Variants in PTN observed in about 807,000 individuals in gnomAD.
PTN encodes the protein heparin affin regulatory protein.
A neutral mutation model predicts 24.1 loss-of-function variants in PTN; 18 were observed. The ratio of observed to expected loss-of-function variants is 0.75; its 90% confidence interval spans 0.52 to 1.11. PTN has a LOEUF of 1.11. Ranked by LOEUF, PTN falls within the 50% of genes least tolerant of loss-of-function variation. PTN has a pLI of 0.00. For synonymous variants in PTN, 78 were observed against 68.6 expected (o/e 1.14, Z -0.67); for missense variants, 163 against 198.8 (o/e 0.82, Z 1.08).
At chr7:137,249,042 G>T (rs1263485350) in intron 4 of PTN, among the ~76,000 whole-genome samples, 1 of 151,962 alleles carries the variant, frequency 6.6e-6, no homozygotes, top group African/African-American at 2.4e-5. Flanking sequence ...ACTGTATAAA[G>T]GTGAAATATA....
chr7:137,337,431 C>T (rs1255986614), intron 1 of PTN, among the ~76,000 whole-genome samples: 1 of 152,092 alleles, frequency 6.6e-6, no homozygotes, highest in Admixed American at 6.6e-5. Context: ...AAAAATCCCA[C>T]TCAATCTACC....
At position 137,235,718 on chromosome 7, in the gene PTN, T is replaced by C. The variant is rs1174320262; in HGVS notation, c.452-7643A>G. 3.3e-5 allele frequency among the ~76,000 whole-genome samples: 5 copies of C among 152,252 alleles called. No individual in the cohort carries two copies. The East Asian group carries it at 9.7e-4, about 29-fold the overall frequency. ...CTGCCCCTCAGTGCTACCCACATGC[T>C]GATACTTTGCTTCATCCACACCTCT... On this transcript the variant is annotated intron_variant, in intron 4 of 4. Coordinates refer to ENST00000348225, the MANE Select transcript of PTN (RefSeq NM_002825.7).
chr7:137,308,464 A>C (rs763873296), intron 1 of PTN, among the ~76,000 whole-genome samples: 41 of 152,170 alleles, frequency 2.7e-4, no homozygotes, highest in Non-Finnish European at 4.1e-4. Flanking sequence ...AATTTGGATG[A>C]CTAAAACCTT....
intron 1 of PTN, among the ~76,000 whole-genome samples, chr7:137,313,964 T>A (rs1026964901): frequency 6.6e-6 from 1 of 152,164 alleles, no homozygotes; most frequent in Non-Finnish European, 1.5e-5. Flanking sequence ...AGGTGCTGGT[T>A]TCTGAGAAGG....
chr7:137,331,524 A>T (rs1203568852), intron 1 of PTN, among the ~76,000 whole-genome samples: 5 of 152,148 alleles, frequency 3.3e-5, no homozygotes, highest in African/African-American at 1.2e-4. Flanking sequence ...GATCTGACTC[A>T]CTTTAAACTC....
intron 4 of PTN, among the ~76,000 whole-genome samples, chr7:137,229,533 T>G (rs1808393176): frequency 6.6e-6 from 1 of 151,786 alleles, no homozygotes; most frequent in Admixed American, 6.6e-5. Context: ...GGTTCCAAAG[T>G]CCATTACACA....
chr7:137,338,617 T>A (rs967914657), intron 1 of PTN, among the ~76,000 whole-genome samples: 1 of 152,218 alleles, frequency 6.6e-6, no homozygotes, highest in Non-Finnish European at 1.5e-5. Flanking sequence ...GTAATTAGTG[T>A]TTTAATGTTC....
intron 1 of PTN, among the ~76,000 whole-genome samples, chr7:137,270,678 G>A (rs1335548819): frequency 6.6e-6 from 1 of 152,146 alleles, no homozygotes; most frequent in Non-Finnish European, 1.5e-5. Context: ...GAACAACACA[G>A]ACAAGATTCC....
intron 4 of PTN, among the ~76,000 whole-genome samples, chr7:137,249,354 C>T (rs1808782067): frequency 6.6e-6 from 1 of 151,494 alleles, no homozygotes; most frequent in Non-Finnish European, 1.5e-5. Flanking sequence ...GGATTCCATA[C>T]TAGAGCAGTA....
At chr7:137,244,585 G>T (rs568701063) in intron 4 of PTN, among the ~76,000 whole-genome samples, 1 of 150,140 alleles carries the variant, frequency 6.7e-6, no homozygotes, top group Admixed American at 6.7e-5. Context: ...CTGTGTCCAA[G>T]TGTTCTCATT....
chr7:137,228,945 T>G (rs1808381891), intron 4 of PTN, among the ~76,000 whole-genome samples: 1 of 151,874 alleles, frequency 6.6e-6, no homozygotes, highest in Non-Finnish European at 1.5e-5. Context: ...AGAAATATAC[T>G]GGTTAAGTAC....
chr7:137,324,324 G>A (rs1228850421), intron 1 of PTN, among the ~76,000 whole-genome samples: 1 of 149,364 alleles, frequency 6.7e-6, no homozygotes, highest in Admixed American at 6.7e-5. Flanking sequence ...AAGCCCAGGA[G>A]TGAATTCCTG....
chr7:137,319,428 T>C (rs1366300615), intron 1 of PTN, among the ~76,000 whole-genome samples: 1 of 151,952 alleles, frequency 6.6e-6, no homozygotes, highest in Non-Finnish European at 1.5e-5. Context: ...AACCCGAGAG[T>C]TCTTTGGGGA....
At chr7:137,338,352 C>G (rs1810481505) in intron 1 of PTN, among the ~76,000 whole-genome samples, 1 of 152,174 alleles carries the variant, frequency 6.6e-6, no homozygotes, top group Admixed American at 6.5e-5. Context: ...TAAGTTGTCA[C>G]TTCCAATAAT....
At chr7:137,322,303 A>T (rs1810176278) in intron 1 of PTN, among the ~76,000 whole-genome samples, 2 of 152,208 alleles carry the variant, frequency 1.3e-5, no homozygotes, top group African/African-American at 4.8e-5. Flanking sequence ...GGATGTTTTC[A>T]ACTGGTGACA....
chr7:137,324,950 A>G (rs1810233777), intron 1 of PTN, among the ~76,000 whole-genome samples: 1 of 152,226 alleles, frequency 6.6e-6, no homozygotes, highest in Non-Finnish European at 1.5e-5. Flanking sequence ...AGTATGAAAC[A>G]GAGTATGAAA....
At chr7:137,330,763 AAGAGGACCAGGTTTGCTCCAC>A (rs1333151190) in intron 1 of PTN, among the ~76,000 whole-genome samples, 6 of 152,180 alleles carry the variant, frequency 3.9e-5, no homozygotes, top group South Asian at 2.1e-4. Flanking sequence ...GAAAAACAAG[AAGAGGACCAGGTTTGCTCCAC>A]AGAGCTGGAG....
chr7:137,236,268 T>C (rs1779703749), intron 4 of PTN: 4 of 702,198 alleles, frequency 5.7e-6, no homozygotes, highest in Non-Finnish European at 1.0e-5. Context: ...GAGATATCTA[T>C]AGCTTCTCCA....
At chr7:137,256,741 C>G (rs572567268) in intron 1 of PTN, among the ~76,000 whole-genome samples, 1 of 152,210 alleles carries the variant, frequency 6.6e-6, no homozygotes, top group Admixed American at 6.6e-5. Context: ...AATCACCACA[C>G]CGTTTTCCAC....
Sources: allele counts gnomAD v4.1 joint callset (sites outside exome capture counted in the v4.1 genomes callset), GRCh38; gene constraint gnomAD v4.1.1; transcripts MANE v1.5; gene names NCBI Gene and HGNC (gene_info 2026-07-23, HGNC 2026-07-21).